MTFR1: variants seen among roughly 807,000 people sequenced by gnomAD.
MTFR1 encodes mitochondrial fission regulator 1, also known as chondrocyte protein with a poly-proline region.
MTFR1 carries 28 observed loss-of-function variants against 38.8 expected under a neutral mutation model. That is an observed-to-expected ratio of 0.72 (90% confidence interval 0.53 to 0.99). The LOEUF is 0.99. Ranked by LOEUF, MTFR1 falls within the 50% of genes least tolerant of loss-of-function variation. The pLI is 0.00. For synonymous variants in MTFR1, 145 were observed against 137.0 expected, an observed-to-expected ratio of 1.06 and a Z score of -0.41; for missense variants, 358 against 395.5, an observed-to-expected ratio of 0.91 and a Z score of 0.81.
exon 3 of MTFR1, chr8:65,719,381 C>T: frequency 6.2e-7 from 1 of 1,614,060 alleles, no homozygotes; most frequent in South Asian, 1.1e-5. Context: ...TCTCTGCAGT[C>T]CCTTCCAGCT....
At chr8:65,675,600 AAAAC>A (rs1238314811) in intron 2 of MTFR1, among the ~76,000 whole-genome samples, 3 of 152,190 alleles carry the variant, frequency 2.0e-5, no homozygotes, top group Non-Finnish European at 2.9e-5. Context: ...CCGTCTCAAA[AAAAC>A]AAACAAACAA....
intron 3 of MTFR1, chr8:65,723,753 A>G (rs1429917706): frequency 3.6e-6 from 2 of 554,708 alleles, no homozygotes; most frequent in East Asian, 7.3e-5. Flanking sequence ...CAGCTTCGCA[A>G]TTAGTTCTTT....
chr8:65,739,837 G>C (rs1257346568), intron 3 of MTFR1, among the ~76,000 whole-genome samples: 1 of 152,040 alleles, frequency 6.6e-6, no homozygotes, highest in Non-Finnish European at 1.5e-5. Context: ...CTGAAAACTA[G>C]ACATTTTCAA....
chr8:65,703,736 CTTTG>C (rs1554551342), intron 4 of MTFR1, among the ~76,000 whole-genome samples: 7 of 151,918 alleles, frequency 4.6e-5, no homozygotes, highest in Non-Finnish European at 2.9e-5. Context: ...CACCTGGCCT[CTTTG>C]TTATTTTTGT....
chr8:65,745,477 T>C (rs776891899), intron 3 of MTFR1: 1 of 1,493,848 alleles, frequency 6.7e-7, no homozygotes, highest in South Asian at 1.1e-5. Flanking sequence ...TACACTGAAA[T>C]GAAAACCAAA....
chr8:65,696,984 CTTT>C (rs572196375), intron 4 of MTFR1, among the ~76,000 whole-genome samples: 3 of 111,192 alleles, frequency 2.7e-5, no homozygotes, highest in Non-Finnish European at 1.8e-5. Flanking sequence ...TTGGGACTGG[CTTT>C]TTTTTTTTTT....
At chr8:65,762,839 A>G (rs1563494673) in intron 3 of MTFR1, among the ~76,000 whole-genome samples, 1 of 152,180 alleles carries the variant, frequency 6.6e-6, no homozygotes, top group Admixed American at 6.5e-5. Context: ...TCTCATTACC[A>G]TAAAACAAGT....
At chr8:65,742,917 CA>C (rs1443982290) in intron 3 of MTFR1, among the ~76,000 whole-genome samples, 1 of 152,216 alleles carries the variant, frequency 6.6e-6, no homozygotes, top group African/African-American at 2.4e-5. Context: ...GTGAGGTGAT[CA>C]AAAGGAAAGC....
intron 3 of MTFR1, chr8:65,765,680 C>T (rs1196678434): frequency 6.6e-6 from 1 of 152,160 alleles, no homozygotes; most frequent in East Asian, 1.9e-4. Context: ...AGACCAGGCC[C>T]TCCAGTCTGG....
intron 1 of MTFR1, among the ~76,000 whole-genome samples, chr8:65,665,176 G>T (rs535358634): frequency 1.3e-5 from 2 of 151,580 alleles, no homozygotes; most frequent in South Asian, 4.2e-4. Context: ...CTCATAATCC[G>T]CCCACCTCAG....
At chr8:65,756,861 C>G (rs550441450) in intron 3 of MTFR1, among the ~76,000 whole-genome samples, 32 of 151,910 alleles carry the variant, frequency 2.1e-4, no homozygotes, top group African/African-American at 7.5e-4. Flanking sequence ...TGGGGAAGCT[C>G]TGGAAACTGA....
intron 2 of MTFR1, chr8:65,719,365 C>G (rs1243713287): frequency 1.9e-6 from 3 of 1,613,974 alleles, no homozygotes; most frequent in Non-Finnish European, 2.5e-6. Flanking sequence ...CACTGCTCGA[C>G]TGTTCTCTCT....
intron 1 of MTFR1, among the ~76,000 whole-genome samples, chr8:65,649,027 G>A (rs1015644755): frequency 2.0e-5 from 3 of 151,586 alleles, no homozygotes; most frequent in Non-Finnish European, 2.9e-5. Flanking sequence ...AAAAAACAAT[G>A]ATAAAATAAC....
chr8:65,777,422 T>G, the MTFR1 span, among the ~76,000 whole-genome samples: 1 of 152,184 alleles, frequency 6.6e-6, no homozygotes, highest in South Asian at 2.1e-4. Context: ...GATTTTTCAC[T>G]GTTAAACCAA....
intron 3 of MTFR1, among the ~76,000 whole-genome samples, chr8:65,763,553 G>GA (rs2128915858): frequency 7.3e-6 from 1 of 136,766 alleles, no homozygotes; most frequent in African/African-American, 3.4e-5. Context: ...CAACAAGAGT[G>GA]AAACTCCGTC....
intron 3 of MTFR1, among the ~76,000 whole-genome samples, chr8:65,684,632 G>A (rs968687621): frequency 9.2e-5 from 14 of 151,468 alleles, no homozygotes; most frequent in African/African-American, 2.9e-4. Flanking sequence ...TGATCCATCC[G>A]CCTCAGGCTC....
intron 3 of MTFR1, chr8:65,683,057 C>A: frequency 3.1e-6 from 1 of 320,884 alleles, no homozygotes; most frequent in Non-Finnish European, 4.5e-6. Flanking sequence ...CTTTTAGCAC[C>A]AAATCTGGAG....
chr8:65,694,737 G>T (rs1369283283), intron 4 of MTFR1, among the ~76,000 whole-genome samples: 1 of 152,226 alleles, frequency 6.6e-6, no homozygotes, highest in Non-Finnish European at 1.5e-5. Flanking sequence ...ATTACAGATG[G>T]TCACTGCAGG....
At position 65,680,643 on chromosome 8, in the gene MTFR1, G is replaced by C. The variant is rs1031153764; in HGVS notation, c.67-1710G>C. Among the ~76,000 whole-genome samples the C allele has an allele frequency of 2.0e-5, 3 of 152,100 alleles. No individual in the cohort carries two copies. In the South Asian group the frequency reaches 6.2e-4, roughly 31 times the overall value. ...CAGTGAACCGTTGTTTGGTTATGCT[G>C]TTTGTTTATATTGGGGTAATTTCAT... On this transcript the variant is annotated intron_variant, in intron 2 of 7. Transcript: ENST00000262146.
Sources: allele counts gnomAD v4.1 joint callset (sites outside exome capture counted in the v4.1 genomes callset), GRCh38; gene constraint gnomAD v4.1.1; transcripts MANE v1.5; gene names NCBI Gene and HGNC (gene_info 2026-07-23, HGNC 2026-07-21).